Variants in DNM3 observed in about 807,000 individuals in gnomAD.
DNM3 encodes dynamin 3, also known as dynamin-3.
A neutral mutation model predicts 101.6 loss-of-function variants in DNM3; 47 were observed. The observed-to-expected ratio is 0.46, with a 90% CI of 0.37 to 0.59. The LOEUF is 0.59. DNM3 is among the 20% of genes least tolerant of loss of function. The pLI is 0.00. For missense variants in DNM3, 849 were observed against 1,085.7 expected, an observed-to-expected ratio of 0.78 and a Z score of 3.06; for synonymous variants, 385 against 387.9, an observed-to-expected ratio of 0.99 and a Z score of 0.09.
At chr1:171,960,630 A>G (rs897712998) in intron 2 of DNM3, among the ~76,000 whole-genome samples, 2 of 152,172 alleles carry the variant, frequency 1.3e-5, no homozygotes, top group African/African-American at 2.4e-5. Context: ...TGATGATTTC[A>G]TAAGAAGAGG....
chr1:171,842,762 C>G (rs1298651395), intron 1 of DNM3, among the ~76,000 whole-genome samples: 1 of 152,174 alleles, frequency 6.6e-6, no homozygotes, highest in Non-Finnish European at 1.5e-5. Flanking sequence ...ACAGAAACAG[C>G]TAAGGAATTA....
intron 12 of DNM3, among the ~76,000 whole-genome samples, chr1:172,092,557 C>T (rs1307865889): frequency 6.6e-6 from 1 of 152,162 alleles, no homozygotes; most frequent in Non-Finnish European, 1.5e-5. Flanking sequence ...GCAAATATGT[C>T]AACTCGTATG....
At chr1:172,043,935 G>A (rs1382252021) in intron 8 of DNM3, among the ~76,000 whole-genome samples, 4 of 152,074 alleles carry the variant, frequency 2.6e-5, no homozygotes, top group Non-Finnish European at 5.9e-5. Flanking sequence ...CTTTTACAAA[G>A]AGGCCTTTAA....
intron 1 of DNM3, among the ~76,000 whole-genome samples, chr1:171,848,397 G>T (rs151185795): frequency 6.6e-6 from 1 of 152,128 alleles, no homozygotes; most frequent in South Asian, 2.1e-4. Context: ...TAGTATACTC[G>T]TGAGTAAAGC....
intron 14 of DNM3, among the ~76,000 whole-genome samples, chr1:172,155,846 G>A (rs2058317076): frequency 6.6e-6 from 1 of 152,036 alleles, no homozygotes; most frequent in Non-Finnish European, 1.5e-5. Context: ...CTACACATAA[G>A]TTTAGATTTA....
intron 17 of DNM3, chr1:172,370,084 G>GT (rs1196911837): frequency 6.6e-6 from 1 of 151,872 alleles, no homozygotes; most frequent in African/African-American, 2.4e-5. Context: ...GGTACTGCTG[G>GT]TTAGGGCTTC....
intron 17 of DNM3, among the ~76,000 whole-genome samples, chr1:172,375,875 G>T (rs903149016): frequency 8.0e-5 from 12 of 149,814 alleles, no homozygotes; most frequent in Non-Finnish European, 1.6e-4. Context: ...TTAGCTGGGC[G>T]TGGCATGTAG....
intron 2 of DNM3, among the ~76,000 whole-genome samples, chr1:171,958,036 C>A (rs908422470): frequency 6.6e-6 from 1 of 152,102 alleles, no homozygotes; most frequent in African/African-American, 2.4e-5. Context: ...GGGTAATTGA[C>A]AAAAGAAAGA....
intron 17 of DNM3, among the ~76,000 whole-genome samples, chr1:172,333,314 A>C (rs984608703): frequency 3.9e-5 from 6 of 152,200 alleles, no homozygotes; most frequent in Non-Finnish European, 8.8e-5. Context: ...ATTTAAGTAG[A>C]CTGAACAAGT....
chr1:172,371,660 G>A (rs1435023458), intron 17 of DNM3, among the ~76,000 whole-genome samples: 1 of 151,694 alleles, frequency 6.6e-6, no homozygotes, highest in African/African-American at 2.4e-5. Flanking sequence ...TAGAGAGGTT[G>A]AGTAACTTCT....
chr1:172,283,979 G>A (rs2063599737), intron 15 of DNM3, among the ~76,000 whole-genome samples: 1 of 151,900 alleles, frequency 6.6e-6, no homozygotes, highest in Admixed American at 6.6e-5. Context: ...TTTGCAATAG[G>A]TTTTGTTCTG....
At chr1:172,193,640 A>G (rs1326463550) in intron 14 of DNM3, among the ~76,000 whole-genome samples, 1 of 151,920 alleles carries the variant, frequency 6.6e-6, no homozygotes, top group African/African-American at 2.4e-5. Context: ...TTTCTAGTTT[A>G]TTTGCGTAGA....
rs190737354 is a variant in DNM3 at position 172,346,039 on chromosome 1, C to T, written c.1893+22699C>T. Among the ~76,000 whole-genome samples, 16 of 145,770 alleles carry T rather than the reference C, an allele frequency of 1.1e-4. 1 individual carries two copies. Among genetic ancestry groups the T allele is most frequent in the South Asian group, 2.2e-4 (1 of 4,542 alleles). ...TCAGGAGGCTGAGGCAGGAGAATGG[C>T]GTGAACCTGGGAGGCGGAGCTTGCA... is the stretch of plus-strand genomic sequence containing the variant. On this transcript the variant is annotated intron_variant, in intron 17 of 20. Transcript: ENST00000627582.
chr1:171,863,083 G>C (rs1022608649), intron 1 of DNM3, among the ~76,000 whole-genome samples: 3 of 150,868 alleles, frequency 2.0e-5, no homozygotes, highest in African/African-American at 4.9e-5. Context: ...AACATTCAAA[G>C]GGGATGCTTT....
At chr1:171,996,974 G>C (rs1350318341) in intron 4 of DNM3, among the ~76,000 whole-genome samples, 2 of 152,046 alleles carry the variant, frequency 1.3e-5, no homozygotes, top group Non-Finnish European at 2.9e-5. Flanking sequence ...TGAGGCTGTG[G>C]TGAGCTGTGA....
chr1:172,084,508 C>G (rs2053392792), intron 12 of DNM3, among the ~76,000 whole-genome samples: 1 of 152,020 alleles, frequency 6.6e-6, no homozygotes, highest in South Asian at 2.1e-4. Context: ...ATTTGTATGT[C>G]GACTTGGAAT....
intron 14 of DNM3, among the ~76,000 whole-genome samples, chr1:172,145,936 A>C (rs1358103243): frequency 6.6e-6 from 1 of 152,094 alleles, no homozygotes; most frequent in Non-Finnish European, 1.5e-5. Flanking sequence ...GGCTGTTTTC[A>C]ATTATATATA....
chr1:172,322,347 C>T (rs1393256742), intron 16 of DNM3, among the ~76,000 whole-genome samples: 3 of 152,198 alleles, frequency 2.0e-5, no homozygotes, highest in African/African-American at 7.2e-5. Context: ...CTTCTGGGCC[C>T]CTTGTGAGAA....
intron 15 of DNM3, among the ~76,000 whole-genome samples, chr1:172,294,911 C>CAAAAAAA (rs57685535): frequency 2.3e-5 from 2 of 87,008 alleles, no homozygotes; most frequent in African/African-American, 4.0e-5. Context: ...GACTTTGTCT[C>CAAAAAAA]AAAAAAAAAA....
Sources: allele counts gnomAD v4.1 joint callset (sites outside exome capture counted in the v4.1 genomes callset), GRCh38; gene constraint gnomAD v4.1.1; transcripts MANE v1.5; gene names NCBI Gene and HGNC (gene_info 2026-07-23, HGNC 2026-07-21).